The following LRRC4C variants were observed in gnomAD, a reference collection of about 807,000 sequenced individuals.
LRRC4C encodes leucine-rich repeat-containing protein 4C.
A neutral mutation model predicts 33.6 loss-of-function variants in LRRC4C; 5 were observed. The ratio of observed to expected loss-of-function variants is 0.15; its 90% CI spans 0.08 to 0.31. The LOEUF (loss-of-function observed/expected upper bound fraction) is 0.31, where lower values mean the gene tolerates loss of function less well. Among genes scored for constraint, LRRC4C ranks in the 10% least tolerant of loss-of-function variants. The pLI is 1.00. For missense variants in LRRC4C, 560 were observed against 796.7 expected (o/e 0.70, Z 3.58); for synonymous variants, 329 against 302.0 (o/e 1.09, Z -0.93).
intron 1 of LRRC4C, among the ~76,000 whole-genome samples, chr11:41,158,471 C>G (rs1162738769): frequency 1.3e-5 from 2 of 152,006 alleles, no homozygotes; most frequent in Non-Finnish European, 1.5e-5. Flanking sequence ...AAAGAGGACC[C>G]AAAGGAATTC....
intron 3 of LRRC4C, among the ~76,000 whole-genome samples, chr11:40,336,819 ACAAAAAAATTAGT>A (rs1226933801): frequency 6.6e-6 from 1 of 151,940 alleles, no homozygotes; most frequent in African/African-American, 2.4e-5. Context: ...TACTGAAAAT[ACAAAAAAATTAGT>A]CGGGAGTGGC....
At chr11:41,095,499 G>T (rs1940753085) in intron 1 of LRRC4C, among the ~76,000 whole-genome samples, 1 of 152,182 alleles carries the variant, frequency 6.6e-6, no homozygotes, top group Non-Finnish European at 1.5e-5. Context: ...TCCATGGGAA[G>T]AAAGGTAACT....
chr11:40,816,414 C>G (rs1188913728), intron 2 of LRRC4C, among the ~76,000 whole-genome samples: 2 of 152,190 alleles, frequency 1.3e-5, no homozygotes, highest in Non-Finnish European at 2.9e-5. Flanking sequence ...AGATTCACAA[C>G]AGATATCCAG....
At chr11:40,224,098 T>C (rs1025399920) in intron 5 of LRRC4C, among the ~76,000 whole-genome samples, 6 of 152,218 alleles carry the variant, frequency 3.9e-5, no homozygotes, top group African/African-American at 1.2e-4. Flanking sequence ...ATTAGAGATA[T>C]GTTTTATCCA....
chr11:40,825,878 GA>G (rs1952141078), intron 2 of LRRC4C, among the ~76,000 whole-genome samples: 2 of 141,832 alleles, frequency 1.4e-5, no homozygotes, highest in African/African-American at 5.1e-5. Flanking sequence ...AAAAAAAAAA[GA>G]AAAAAATTTA....
chr11:40,669,425 G>A (rs1943973319), intron 2 of LRRC4C, among the ~76,000 whole-genome samples: 1 of 152,184 alleles, frequency 6.6e-6, no homozygotes, highest in Non-Finnish European at 1.5e-5. Flanking sequence ...ATGAGACCTG[G>A]CTTCGGGAAC....
intron 1 of LRRC4C, among the ~76,000 whole-genome samples, chr11:41,402,146 A>C (rs761977155): frequency 3.3e-5 from 5 of 152,034 alleles, no homozygotes; most frequent in Non-Finnish European, 5.9e-5. Context: ...CCATGGGATA[A>C]AATAGAAAGG....
chr11:40,370,878 C>T (rs1282445423), intron 3 of LRRC4C, among the ~76,000 whole-genome samples: 2 of 152,056 alleles, frequency 1.3e-5, no homozygotes, highest in African/African-American at 4.8e-5. Context: ...AAATTCACTG[C>T]AGTTATGCAG....
chr11:40,660,771 C>T (rs1461130011), intron 2 of LRRC4C, among the ~76,000 whole-genome samples: 1 of 152,122 alleles, frequency 6.6e-6, no homozygotes, highest in East Asian at 1.9e-4. Context: ...GTTTTGTGCC[C>T]ATTTACCATG....
intron 6 of LRRC4C, among the ~76,000 whole-genome samples, chr11:40,132,405 G>T (rs576667118): frequency 1.5e-4 from 23 of 152,142 alleles, no homozygotes; most frequent in Non-Finnish European, 2.5e-4. Context: ...GTGACATTTT[G>T]TCACTCCACG....
At chr11:41,012,431 A>T (rs1431233146) in intron 1 of LRRC4C, among the ~76,000 whole-genome samples, 1 of 152,174 alleles carries the variant, frequency 6.6e-6, no homozygotes, top group African/African-American at 2.4e-5. Flanking sequence ...TTTTATGGCC[A>T]AATAATATTC....
chr11:40,802,493 G>T (rs1565079412), intron 2 of LRRC4C, among the ~76,000 whole-genome samples: 1 of 131,018 alleles, frequency 7.6e-6, no homozygotes, highest in South Asian at 2.7e-4. Context: ...ATAATTCTTA[G>T]GAGGTTAGAA....
At position 41,088,985 on chromosome 11, in the gene LRRC4C, A is replaced by C. The variant is rs148552053; in HGVS notation, c.-495-155262T>G. Among the ~76,000 whole-genome samples, 519 of 152,230 alleles carry C rather than the reference A, an allele frequency of 3.4e-3. 2 individuals are homozygous for C. The highest frequency in any genetic ancestry group is 0.011 in the African/African-American group (477 of 41,558). ...CAAGCTATGTTCAATCAGGCTACTT[A>C]CCAAAACAGTCTAACCCACACATAC... is the stretch of plus-strand genomic sequence containing the variant. On this transcript the variant is annotated intron_variant, in intron 1 of 6. Coordinates refer to ENST00000528697, the MANE Select transcript of LRRC4C (RefSeq NM_001258419.2).
At chr11:40,157,107 C>G (rs559708532) in intron 5 of LRRC4C, among the ~76,000 whole-genome samples, 1 of 151,454 alleles carries the variant, frequency 6.6e-6, no homozygotes, top group Admixed American at 6.6e-5. Flanking sequence ...CAGAAATAAA[C>G]CCAGATACAG....
chr11:41,036,226 T>C (rs769740765), intron 1 of LRRC4C, among the ~76,000 whole-genome samples: 1 of 152,192 alleles, frequency 6.6e-6, no homozygotes, highest in Admixed American at 6.5e-5. Context: ...CCTTCATTCT[T>C]AAATTCATTC....
chr11:40,910,364 A>AT (rs1316259622), intron 2 of LRRC4C, among the ~76,000 whole-genome samples: 5 of 152,166 alleles, frequency 3.3e-5, no homozygotes, highest in Admixed American at 2.6e-4. Flanking sequence ...AGACACATAG[A>AT]TGAAAAAAAC....
chr11:40,409,621 A>T (rs1331867000), intron 3 of LRRC4C, among the ~76,000 whole-genome samples: 2 of 152,064 alleles, frequency 1.3e-5, no homozygotes, highest in Non-Finnish European at 2.9e-5. Flanking sequence ...ACCAATAGGT[A>T]TGTATAAAAA....
chr11:40,594,688 C>T (rs11035949), intron 3 of LRRC4C, among the ~76,000 whole-genome samples: 35,041 of 152,040 alleles, frequency 0.23, 4,361 homozygotes, highest in East Asian at 0.5. Flanking sequence ...GATATGTGAA[C>T]ACAGGTTGTC....
At chr11:40,653,802 T>A (rs10837460) in intron 2 of LRRC4C, among the ~76,000 whole-genome samples, 1 of 151,652 alleles carries the variant, frequency 6.6e-6, no homozygotes, top group East Asian at 1.9e-4. Flanking sequence ...ATGTCAGAGG[T>A]CTTCATGGCA....
Sources: allele counts gnomAD v4.1 joint callset (sites outside exome capture counted in the v4.1 genomes callset), GRCh38; gene constraint gnomAD v4.1.1; transcripts MANE v1.5; gene names NCBI Gene and HGNC (gene_info 2026-07-23, HGNC 2026-07-21).